TTC23: variants seen among roughly 807,000 people sequenced by gnomAD.
The protein encoded by TTC23 is tetratricopeptide repeat protein 23.
In TTC23, 58 loss-of-function variants were observed where a neutral mutation model predicts 55.1. The observed-to-expected ratio is 1.05, with a 90% CI of 0.85 to 1.31. The LOEUF is 1.31. TTC23 is among the 50% of genes most tolerant of loss of function. TTC23 has a pLI of 0.00. For missense variants in TTC23, 516 were observed against 534.4 expected, an observed-to-expected ratio of 0.97 and a Z score of 0.34; for synonymous variants, 203 against 199.9, an observed-to-expected ratio of 1.02 and a Z score of -0.13.
At chr15:99,140,914 A>T (rs913141528) in intron 12 of TTC23, 3 of 152,170 alleles carry the variant, frequency 2.0e-5, no homozygotes, top group Admixed American at 1.3e-4. Context: ...ACCAAACCAA[A>T]CCAAAACCTC....
chr15:99,218,394 T>G (rs942910874), intron 8 of TTC23, among the ~76,000 whole-genome samples, 194 bp downstream of exon 8: 1 of 151,948 alleles, frequency 6.6e-6, no homozygotes, highest in Non-Finnish European at 1.5e-5. Flanking sequence ...CCACAGAGAG[T>G]GAAAAGTGTC....
At chr15:99,192,368 T>A (rs2075316026) in intron 9 of TTC23, among the ~76,000 whole-genome samples, 1 of 152,104 alleles carries the variant, frequency 6.6e-6, no homozygotes, top group African/African-American at 2.4e-5. Context: ...GAAAAAGTGG[T>A]TTCACGGGCT....
intron 2 of TTC23, among the ~76,000 whole-genome samples, chr15:99,242,241 C>T (rs143540336): frequency 0.012 from 1,803 of 151,142 alleles, 62 homozygotes; most frequent in Non-Finnish European, 9.3e-3. Context: ...AGCTAACGCA[C>T]TGGAAAAACA....
At chr15:99,149,487 G>T (rs2069411867) in intron 12 of TTC23, among the ~76,000 whole-genome samples, 1 of 152,218 alleles carries the variant, frequency 6.6e-6, no homozygotes, top group African/African-American at 2.4e-5. Flanking sequence ...AGCCTCTAGG[G>T]TGGCAGTGTG....
At chr15:99,161,596 C>G in intron 11 of TTC23, 144 bp downstream of exon 11, 1 of 863,196 alleles carries the variant, frequency 1.2e-6, no homozygotes, top group Non-Finnish European at 1.7e-6. Context: ...CCCAAAGGAG[C>G]CCTAGCCTTA....
At chr15:99,217,865 T>C (rs1342542644) in intron 8 of TTC23, among the ~76,000 whole-genome samples, 2 of 152,216 alleles carry the variant, frequency 1.3e-5, no homozygotes. Context: ...GCAATCAACC[T>C]ACACATACAA....
chr15:99,145,270 T>TGG (rs1555492559), intron 12 of TTC23: 2 of 151,788 alleles, frequency 1.3e-5, no homozygotes, highest in African/African-American at 4.8e-5. Context: ...GGGGATGGAG[T>TGG]GGAGAATGGG....
chr15:99,186,135 A>C (rs2074639808), intron 9 of TTC23, among the ~76,000 whole-genome samples: 1 of 152,232 alleles, frequency 6.6e-6, no homozygotes, highest in South Asian at 2.1e-4. Context: ...ATGTTTAATA[A>C]TTACTGTTAA....
upstream of TTC23, among the ~76,000 whole-genome samples, chr15:99,251,000 T>G (rs951647580): frequency 1.3e-5 from 2 of 152,186 alleles, no homozygotes; most frequent in Admixed American, 6.5e-5. Context: ...CGAGATAATC[T>G]ATAAACAGCT....
intron 12 of TTC23, among the ~76,000 whole-genome samples, chr15:99,151,956 A>G (rs2069822856): frequency 6.6e-6 from 1 of 152,200 alleles, no homozygotes; most frequent in Non-Finnish European, 1.5e-5. Context: ...TATAAAATAC[A>G]GAGTACAGGT....
chr15:99,149,300 C>T (rs141361990), intron 12 of TTC23, among the ~76,000 whole-genome samples: 134 of 152,330 alleles, frequency 8.8e-4, no homozygotes, highest in African/African-American at 3.2e-3. Flanking sequence ...TTCAGAAATA[C>T]GAGTGCCCAT....
rs762119290 is a variant in TTC23 at position 99,156,258 on chromosome 15, C to G, written c.1033G>C (p.Val345Leu). Residue 345 changes from valine to leucine, a missense_variant, in exon 12 of 14, where the codon GTG (valine) becomes CTG (leucine). Physicochemically the swap from Val to Leu is conservative, Grantham distance 32. Transcript: ENST00000394132. ...GGACTGAAATCGCCAAATGCTTCCA[C>G]TTTGGCTTCCAGGGACTCTCTCAGG... ...SILRESLEAKVEAFGDFSPEV... is the reference protein window; with the variant it reads ...SILRESLEAKLEAFGDFSPEV... 4.3e-6 allele frequency: 7 copies of G among 1,614,254 alleles called. No individual in the cohort carries two copies. The East Asian group carries it at 1.3e-4, about 31-fold the overall frequency.
At chr15:99,162,917 A>C (rs1167661627) in intron 10 of TTC23, among the ~76,000 whole-genome samples, 1 of 151,880 alleles carries the variant, frequency 6.6e-6, no homozygotes, top group East Asian at 1.9e-4. Context: ...AAAAATAAAC[A>C]ATACCAAAAA....
intron 12 of TTC23, among the ~76,000 whole-genome samples, chr15:99,153,386 G>C (rs1218024747): frequency 2.6e-5 from 4 of 152,144 alleles, no homozygotes; most frequent in Non-Finnish European, 4.4e-5. Flanking sequence ...TAGCAGATAC[G>C]TGTCATCTCA....
At position 99,139,346 on chromosome 15, in the gene TTC23, G is replaced by A. The variant is rs1555488900; in HGVS notation, c.1197C>T (p.Ala399=). Residue 399 remains alanine, a synonymous_variant, in exon 13 of 14, where the codon GCC becomes GCT. Transcript: ENST00000394132. ...ACAGCATGCCCATGGCCTGCTGGGT[G>A]GCCAGAGTCCTTTTGTCCTGCGGTC... ...LYGPQDKRTL[A]TQQAMGMLST... 6.2e-7 allele frequency: 1 copy of A among 1,613,826 alleles called. No homozygotes were observed. The highest frequency in any genetic ancestry group is 8.5e-7 in the Non-Finnish European group (1 of 1,180,034).
chr15:99,193,642 A>G (rs1416883138), intron 9 of TTC23, among the ~76,000 whole-genome samples: 1 of 152,216 alleles, frequency 6.6e-6, no homozygotes, highest in Non-Finnish European at 1.5e-5. Context: ...CAATGGACTA[A>G]TACAATCACT....
intron 5 of TTC23, among the ~76,000 whole-genome samples, chr15:99,227,012 A>C (rs950194258): frequency 2.0e-5 from 3 of 152,234 alleles, no homozygotes; most frequent in Admixed American, 6.5e-5. Flanking sequence ...AAAAGAAGTT[A>C]ATTCTTTACA....
At chr15:99,150,042 G>T (rs536239578) in intron 12 of TTC23, among the ~76,000 whole-genome samples, 1 of 152,210 alleles carries the variant, frequency 6.6e-6, no homozygotes, top group African/African-American at 2.4e-5. Flanking sequence ...AAGTGAGGAG[G>T]GGGAAGGAAA....
chr15:99,151,456 G>C (rs1455753555), intron 12 of TTC23: 1 of 152,320 alleles, frequency 6.6e-6, no homozygotes, highest in Non-Finnish European at 1.5e-5. Context: ...TCTTCACCTT[G>C]AGGGAAGACA....
Sources: gnomAD v4.1 joint callset for allele counts (sites outside exome capture counted in the v4.1 genomes callset) on GRCh38, gnomAD v4.1.1 for gene constraint, MANE v1.5 for transcripts, NCBI Gene and HGNC (gene_info 2026-07-23, HGNC 2026-07-21) for gene names.